PCSK6: variants seen among roughly 807,000 people sequenced by gnomAD.
PCSK6 encodes proprotein convertase subtilisin/kexin type 6, also known as paired basic amino acid cleaving enzyme 4.
A neutral mutation model predicts 123.3 loss-of-function variants in PCSK6; 85 were observed. The ratio of observed to expected loss-of-function variants is 0.69; its 90% CI spans 0.58 to 0.83. The LOEUF (loss-of-function observed/expected upper bound fraction) is 0.83. Among genes scored for constraint, PCSK6 ranks in the 40% least tolerant of loss-of-function variants. PCSK6 has a pLI of 0.00. For synonymous variants in PCSK6, 508 were observed against 516.0 expected (o/e 0.98, Z 0.21); for missense variants, 1,191 against 1,282.3 (o/e 0.93, Z 1.09).
At chr15:101,432,379 T>C (rs959126235) in intron 2 of PCSK6, among the ~76,000 whole-genome samples, 1 of 149,188 alleles carries the variant, frequency 6.7e-6, no homozygotes, top group Admixed American at 6.8e-5. Flanking sequence ...TCCCAGCACG[T>C]TGGGAGGCCG....
intron 1 of PCSK6, among the ~76,000 whole-genome samples, chr15:101,471,165 C>A (rs936739243): frequency 6.6e-6 from 1 of 152,172 alleles, no homozygotes; most frequent in Non-Finnish European, 1.5e-5. Flanking sequence ...GTAATCCTTT[C>A]AGATGCCAGT....
chr15:101,364,085 G>A (rs1305345839), intron 13 of PCSK6, among the ~76,000 whole-genome samples: 1 of 152,104 alleles, frequency 6.6e-6, no homozygotes, highest in Non-Finnish European at 1.5e-5. Flanking sequence ...CTAAAACTGT[G>A]CTATTCCAAA....
intron 13 of PCSK6, among the ~76,000 whole-genome samples, chr15:101,345,910 C>T (rs1472330453): frequency 1.3e-5 from 2 of 152,310 alleles, no homozygotes; most frequent in South Asian, 2.1e-4. Context: ...TCAGGTGATC[C>T]GCCTGCCTCG....
intron 13 of PCSK6, among the ~76,000 whole-genome samples, chr15:101,349,675 G>A (rs570052329): frequency 6.6e-6 from 1 of 152,270 alleles, no homozygotes; most frequent in East Asian, 1.9e-4. Context: ...CCAGGTGCTG[G>A]TAAGACGCTG....
intron 1 of PCSK6, among the ~76,000 whole-genome samples, chr15:101,454,883 T>C (rs780637248): frequency 4.6e-5 from 7 of 151,914 alleles, no homozygotes; most frequent in Non-Finnish European, 1.0e-4. Flanking sequence ...AGGCGGAGGT[T>C]GCAGTGAGCC....
At chr15:101,460,696 T>C (rs2141204968) in intron 1 of PCSK6, among the ~76,000 whole-genome samples, 1 of 152,352 alleles carries the variant, frequency 6.6e-6, no homozygotes, top group East Asian at 1.9e-4. Context: ...CAAGAAAGCA[T>C]AGTCTTTGGC....
At chr15:101,471,996 T>C (rs2057616363) in intron 1 of PCSK6, among the ~76,000 whole-genome samples, 1 of 151,778 alleles carries the variant, frequency 6.6e-6, no homozygotes, top group African/African-American at 2.4e-5. Flanking sequence ...GTTTTTCCAT[T>C]CTCCTATGGA....
intron 3 of PCSK6, 188 bp from the exon 4 acceptor site, chr15:101,431,651 G>A: frequency 1.4e-6 from 1 of 733,084 alleles, no homozygotes; most frequent in Non-Finnish European, 2.3e-6. Flanking sequence ...CGGCTCCCTT[G>A]CTTTTTCTGC....
At position 101,304,659 on chromosome 15, in the gene PCSK6, G is replaced by C. The variant is rs2039682409; in HGVS notation, c.*599C>G. The stretch of plus-strand genomic sequence containing the variant: ...TTGGAATTGGACTTTCTAAGCCACT[G>C]CTGCAGTTTCAGAAGTAGCTGACTA... On this transcript the variant is annotated 3_prime_UTR_variant, in exon 22 of 22. Transcript: ENST00000611716. The C allele has an allele frequency of 6.6e-6, 1 of 152,466 alleles. No individual in the cohort carries two copies. The highest frequency in any genetic ancestry group is 2.1e-4 in the South Asian group (1 of 4,838). The allele number at this position is 152,466 out of a possible 1,614,324, so 9.4% of individuals were successfully genotyped here.
Position 101,305,483 on chromosome 15 carries a change from G to T in PCSK6, c.2813-128C>A, listed in dbSNP as rs996171527. ...AGCACTTTGGGAGGCCGAGGTGGGT[G>T]GATCACCTGAGGTCAGGAGCTTGAG... On this transcript the variant is annotated intron_variant, in intron 21 of 21. Transcript: ENST00000611716. This position sits in a 1 kb window ranked among gnomAD's most constrained non-coding sequence, Gnocchi z 4.8. 2.9e-6 allele frequency: 2 copies of T among 698,002 alleles called. No homozygotes were observed. Among genetic ancestry groups the T allele is most frequent in the African/African-American group, 3.5e-5 (2 of 57,148 alleles). 43.2% of individuals were successfully genotyped at this position (698,002 alleles called of 1,614,324 possible). A position where few individuals can be genotyped will look rare whatever the true frequency, so the allele number is the denominator to read the frequency against.
chr15:101,487,801 C>G (rs1053246431), intron 1 of PCSK6, among the ~76,000 whole-genome samples: 4 of 152,066 alleles, frequency 2.6e-5, no homozygotes, highest in African/African-American at 9.7e-5. Flanking sequence ...TCAAGAACTA[C>G]AGAGACAAAC....
chr15:101,347,700 C>T (rs747847441), intron 13 of PCSK6: 17 of 1,611,762 alleles, frequency 1.1e-5, no homozygotes, highest in Non-Finnish European at 1.4e-5. Context: ...GGTCATCTGT[C>T]CCTCTGCAGT....
At chr15:101,377,775 T>G (rs1238453686) in intron 11 of PCSK6, among the ~76,000 whole-genome samples, 1 of 152,252 alleles carries the variant, frequency 6.6e-6, no homozygotes, top group African/African-American at 2.4e-5. Context: ...TAAGCCTTGA[T>G]AGTCAAAGCA....
chr15:101,411,149 T>C (rs1284347324), intron 6 of PCSK6, among the ~76,000 whole-genome samples: 5 of 152,070 alleles, frequency 3.3e-5, no homozygotes, highest in African/African-American at 1.2e-4. Context: ...GCAGAGGGCA[T>C]CAGGTAGCAG....
At chr15:101,313,261 G>T (rs1372300904) in intron 20 of PCSK6, 115 bp downstream of exon 20, 9 of 1,579,532 alleles carry the variant, frequency 5.7e-6, no homozygotes, top group Non-Finnish European at 6.0e-6. Flanking sequence ...TGTCCACAGT[G>T]GGGTGATGCA....
intron 18 of PCSK6, among the ~76,000 whole-genome samples, chr15:101,321,752 CAG>C (rs2040127709): frequency 6.6e-6 from 1 of 152,256 alleles, no homozygotes; most frequent in Non-Finnish European, 1.5e-5. Flanking sequence ...TGCGGAAATG[CAG>C]AGTCGTGGGC....
intron 2 of PCSK6, among the ~76,000 whole-genome samples, chr15:101,439,542 C>T (rs1313247914): frequency 6.6e-6 from 1 of 152,198 alleles, no homozygotes; most frequent in South Asian, 2.1e-4. Flanking sequence ...CCTGGCCCTG[C>T]CCTCAGCCCA....
intron 2 of PCSK6, among the ~76,000 whole-genome samples, chr15:101,439,791 T>C (rs1263836287): frequency 6.6e-6 from 1 of 152,244 alleles, no homozygotes; most frequent in Non-Finnish European, 1.5e-5. Flanking sequence ...ATGCCTCCTC[T>C]GGTCCTTGCA....
chr15:101,322,203 C>T (rs1277650632), intron 18 of PCSK6, among the ~76,000 whole-genome samples: 3 of 152,252 alleles, frequency 2.0e-5, no homozygotes, highest in Admixed American at 6.5e-5. Flanking sequence ...GCCCAGACAG[C>T]GAGGGGAACT....
Sources: gnomAD v4.1 joint callset for allele counts (sites outside exome capture counted in the v4.1 genomes callset) on GRCh38, gnomAD v4.1.1 for gene constraint, Gnocchi (gnomAD v3.1) non-coding constraint, MANE v1.5 for transcripts, NCBI Gene and HGNC (gene_info 2026-07-23, HGNC 2026-07-21) for gene names.